FAM135B: variants seen among roughly 807,000 people sequenced by gnomAD.
The protein encoded by FAM135B is family with sequence similarity 135 member B.
In FAM135B, 43 loss-of-function variants were observed where a neutral mutation model predicts 127.7. The ratio of observed to expected loss-of-function variants is 0.34; its 90% CI spans 0.26 to 0.43. FAM135B has a LOEUF of 0.43. Among genes scored for constraint, FAM135B ranks in the 20% least tolerant of loss-of-function variants. The probability of loss-of-function intolerance (pLI) is 1.00; values close to 1 mark genes in which losing one functional copy is unlikely to be tolerated. For synonymous variants in FAM135B, 670 were observed against 665.1 expected, an observed-to-expected ratio of 1.01 and a Z score of -0.11; for missense variants, 1,558 against 1,725.6, an observed-to-expected ratio of 0.90 and a Z score of 1.72.
intron 2 of FAM135B, among the ~76,000 whole-genome samples, chr8:138,322,441 G>A (rs1827511387): frequency 6.6e-6 from 1 of 152,170 alleles, no homozygotes; most frequent in South Asian, 2.1e-4. Context: ...CAGATTGCTT[G>A]ATACTGTAGG....
At position 138,253,238 on chromosome 8, in the gene FAM135B, C is replaced by T. The variant is rs115430739; in HGVS notation, c.369-2224G>A. 5.2e-3 allele frequency among the ~76,000 whole-genome samples: 796 copies of T among 152,282 alleles called. 7 individuals are homozygous for T. The highest frequency in any genetic ancestry group is 0.018 in the African/African-American group (749 of 41,548). ...AAATAAAGAAGAATTTCCCGATCAG[C>T]AGAACTATTCAGGGCAGAATGGGCC... On this transcript the variant is annotated intron_variant, in intron 5 of 19. Coordinates refer to ENST00000395297, the MANE Select transcript of FAM135B (RefSeq NM_015912.4).
chr8:138,268,261 T>C (rs1823099268), intron 3 of FAM135B, among the ~76,000 whole-genome samples: 1 of 152,214 alleles, frequency 6.6e-6, no homozygotes. Flanking sequence ...ATTTTTTAAT[T>C]GTGTTTGCAG....
chr8:138,312,702 G>A (rs1826783204), intron 2 of FAM135B, among the ~76,000 whole-genome samples: 1 of 152,088 alleles, frequency 6.6e-6, no homozygotes, highest in African/African-American at 2.4e-5. Flanking sequence ...GGGAAGTCTA[G>A]ACAGCCGCCA....
At chr8:138,153,249 A>G in intron 12 of FAM135B, 33 bp from the exon 13 acceptor site, 1 of 1,457,002 alleles carries the variant, frequency 6.9e-7, no homozygotes, top group Non-Finnish European at 9.2e-7. Flanking sequence ...ATTATATTAT[A>G]GTGTAAGAAT....
intron 2 of FAM135B, among the ~76,000 whole-genome samples, chr8:138,344,012 C>CTGCTGT (rs1284250034): frequency 6.6e-6 from 1 of 152,168 alleles, no homozygotes; most frequent in Non-Finnish European, 1.5e-5. Context: ...GCACCTCTGG[C>CTGCTGT]TGCTGTGCTG....
intron 7 of FAM135B, among the ~76,000 whole-genome samples, chr8:138,239,392 C>A (rs535066181): frequency 6.6e-6 from 1 of 152,216 alleles, no homozygotes; most frequent in Non-Finnish European, 1.5e-5. Context: ...CCTTCACCCA[C>A]TTGTTGATGG....
At chr8:138,362,179 T>C (rs1405422882) in intron 2 of FAM135B, among the ~76,000 whole-genome samples, 1 of 152,148 alleles carries the variant, frequency 6.6e-6, no homozygotes, top group African/African-American at 2.4e-5. Flanking sequence ...TTATTGACTA[T>C]AGTCACTCTG....
chr8:138,163,370 T>C (rs1819589260), intron 12 of FAM135B, among the ~76,000 whole-genome samples: 2 of 152,112 alleles, frequency 1.3e-5, no homozygotes, highest in Admixed American at 6.5e-5. Flanking sequence ...AAGACAGATA[T>C]TGCAGCGTGC....
chr8:138,175,897 C>T (rs73715206), intron 11 of FAM135B, among the ~76,000 whole-genome samples: 7,698 of 152,212 alleles, frequency 0.051, 345 homozygotes, highest in East Asian at 0.17. Flanking sequence ...AATACACATT[C>T]GCTTACTTCA....
At chr8:138,479,781 A>AT (rs1286372108) in intron 1 of FAM135B, among the ~76,000 whole-genome samples, 7 of 152,144 alleles carry the variant, frequency 4.6e-5, no homozygotes, top group Admixed American at 3.3e-4. Context: ...GCTTATTAAT[A>AT]TTTTTTGGAT....
At chr8:138,295,706 G>A (rs1825433167) in intron 3 of FAM135B, among the ~76,000 whole-genome samples, 1 of 152,086 alleles carries the variant, frequency 6.6e-6, no homozygotes, top group African/African-American at 2.4e-5. Context: ...TAGCAGAGAT[G>A]GCCAATCTGT....
chr8:138,381,008 A>T (rs1478395855), intron 1 of FAM135B, among the ~76,000 whole-genome samples: 1 of 152,020 alleles, frequency 6.6e-6, no homozygotes, highest in Non-Finnish European at 1.5e-5. Context: ...GAACATTTGC[A>T]TGGTTTGGGC....
intron 3 of FAM135B, among the ~76,000 whole-genome samples, chr8:138,281,340 T>C (rs1239630597): frequency 6.6e-6 from 1 of 152,132 alleles, no homozygotes; most frequent in African/African-American, 2.4e-5. Context: ...CAGCTCTTCC[T>C]AGATACCTTG....
intron 1 of FAM135B, chr8:138,438,588 C>T (rs1835592722): frequency 6.6e-6 from 1 of 152,078 alleles, no homozygotes; most frequent in South Asian, 2.1e-4. Flanking sequence ...AAACTGGGTT[C>T]AATTTTGAAT....
chr8:138,375,605 C>T (rs1013963642), intron 1 of FAM135B, among the ~76,000 whole-genome samples: 4 of 152,152 alleles, frequency 2.6e-5, no homozygotes, highest in African/African-American at 9.6e-5. Flanking sequence ...AAAGTCGAAG[C>T]CACCTAGAAT....
At chr8:138,488,118 G>C (rs142831993) in intron 1 of FAM135B, among the ~76,000 whole-genome samples, 1 of 152,294 alleles carries the variant, frequency 6.6e-6, no homozygotes, top group East Asian at 1.9e-4. Flanking sequence ...AGGTGCCCCT[G>C]AACTGGAAGG....
At chr8:138,153,353 G>T (rs544750704) in intron 12 of FAM135B, 137 bp from the exon 13 acceptor site, 73 of 644,906 alleles carry the variant, frequency 1.1e-4, no homozygotes, top group Middle Eastern at 8.8e-4. Context: ...AAGAGCTCCA[G>T]TCTACAGCTC....
chr8:138,464,619 C>T (rs915340968), intron 1 of FAM135B, among the ~76,000 whole-genome samples: 2 of 152,134 alleles, frequency 1.3e-5, no homozygotes, highest in African/African-American at 4.8e-5. Flanking sequence ...GCCAAAGTGA[C>T]AGTGAAATTC....
chr8:138,391,075 AC>A (rs1832542484), intron 1 of FAM135B, among the ~76,000 whole-genome samples: 1 of 151,788 alleles, frequency 6.6e-6, no homozygotes, highest in African/African-American at 2.4e-5. Context: ...CCCGAGAGTC[AC>A]CCTGCTCCCA....
Sources: gnomAD v4.1 joint callset for allele counts (sites outside exome capture counted in the v4.1 genomes callset) on GRCh38, gnomAD v4.1.1 for gene constraint, MANE v1.5 for transcripts, NCBI Gene and HGNC (gene_info 2026-07-23, HGNC 2026-07-21) for gene names.